The following GTF2A2 variants were observed in gnomAD, a reference collection of about 807,000 sequenced individuals.
GTF2A2 encodes the protein transcription initiation factor IIA subunit 2.
A neutral mutation model predicts 14.3 loss-of-function variants in GTF2A2; 9 were observed. The ratio of observed to expected loss-of-function variants is 0.63; its 90% CI spans 0.38 to 1.10. The LOEUF (loss-of-function observed/expected upper bound fraction) is 1.10, where lower values mean the gene tolerates loss of function less well. Among genes scored for constraint, GTF2A2 ranks in the 50% least tolerant of loss-of-function variants. GTF2A2 has a pLI of 0.01. For synonymous variants in GTF2A2, 56 were observed against 46.0 expected (o/e 1.22, Z -0.88); for missense variants, 90 against 124.6 (o/e 0.72, Z 1.32).
chr15:59,639,378 A>C (rs1891309674), intron 4 of GTF2A2, among the ~76,000 whole-genome samples: 1 of 152,146 alleles, frequency 6.6e-6, no homozygotes, highest in African/African-American at 2.4e-5. Flanking sequence ...CCTCATATTC[A>C]TACTAGAGTA....
intron 1 of GTF2A2, among the ~76,000 whole-genome samples, chr15:59,656,379 C>G (rs1891942845): frequency 6.6e-6 from 1 of 152,102 alleles, no homozygotes; most frequent in African/African-American, 2.4e-5. Context: ...CTTTAAAATA[C>G]CAGTTCCCAC....
chr15:59,641,444 T>C (rs1891424271), intron 4 of GTF2A2, among the ~76,000 whole-genome samples: 1 of 152,192 alleles, frequency 6.6e-6, no homozygotes, highest in Non-Finnish European at 1.5e-5. Flanking sequence ...TCTACATATC[T>C]TTCTCTTGCT....
At chr15:59,649,533 C>T (rs1397172222) in intron 3 of GTF2A2, among the ~76,000 whole-genome samples, 1 of 152,144 alleles carries the variant, frequency 6.6e-6, no homozygotes, top group Non-Finnish European at 1.5e-5. Flanking sequence ...CAGACTTCTG[C>T]ATATGGGTAT....
intron 2 of GTF2A2, chr15:59,651,933 C>G (rs1201365893): frequency 3.6e-6 from 1 of 278,632 alleles, no homozygotes; most frequent in African/African-American, 2.3e-5. Context: ...ATCCTTCCAC[C>G]TTGTCCTCCT....
At chr15:59,656,157 G>T (rs968339423) in intron 1 of GTF2A2, among the ~76,000 whole-genome samples, 2 of 152,048 alleles carry the variant, frequency 1.3e-5, no homozygotes, top group Admixed American at 6.5e-5. Flanking sequence ...TTATCTTCTT[G>T]TCCCTCCACC....
At chr15:59,641,079 T>G (rs1174008442) in intron 4 of GTF2A2, among the ~76,000 whole-genome samples, 1 of 152,008 alleles carries the variant, frequency 6.6e-6, no homozygotes, top group Non-Finnish European at 1.5e-5. Flanking sequence ...CAGGCTTAAG[T>G]GCAGGGGCTC....
intron 1 of GTF2A2, chr15:59,657,201 C>G (rs1327130025): frequency 6.6e-6 from 1 of 152,364 alleles, no homozygotes; most frequent in Admixed American, 6.5e-5. Context: ...ACGAGCCTCC[C>G]GCCACGGGAC....
At position 59,639,058 on chromosome 15, in the gene GTF2A2, A is replaced by AT; in HGVS notation, c.*73_*74insA. The AT allele has an allele frequency of 2.3e-6, 2 of 871,836 alleles. No individual in the cohort carries two copies. Among genetic ancestry groups the AT allele is most frequent in the South Asian group, 2.7e-5 (2 of 73,744 alleles). 54.0% of individuals were successfully genotyped at this position (871,836 alleles called of 1,614,324 possible). On this transcript the variant is annotated 3_prime_UTR_variant, in exon 5 of 5. Coordinates refer to ENST00000396060, the MANE Select transcript of GTF2A2 (RefSeq NM_004492.3). The stretch of plus-strand genomic sequence containing the variant: ...ATTTCTGCAATTCTAGAATAAATAA[A>AT]AAGTCTCTTCTATGCTTCTCTTCAA...
intron 1 of GTF2A2, among the ~76,000 whole-genome samples, chr15:59,653,934 C>G (rs1006232952): frequency 6.6e-6 from 1 of 152,140 alleles, no homozygotes; most frequent in Non-Finnish European, 1.5e-5. Context: ...AATCCATCAG[C>G]CAACCTTTCA....
intron 3 of GTF2A2, among the ~76,000 whole-genome samples, chr15:59,645,965 C>T (rs892296475): frequency 1.4e-5 from 2 of 146,618 alleles, no homozygotes; most frequent in African/African-American, 5.1e-5. Context: ...ACCCAGGAGG[C>T]GGGGGTCACA....
chr15:59,655,691 C>T (rs1305554960), intron 1 of GTF2A2, among the ~76,000 whole-genome samples: 1 of 152,172 alleles, frequency 6.6e-6, no homozygotes, highest in Non-Finnish European at 1.5e-5. Flanking sequence ...CTGATGATCC[C>T]CAAATTCATA....
chr15:59,638,999 C>CTACTGGAATTCTCTGGTA lies in GTF2A2; in HGVS notation c.*115_*132dup. The CTACTGGAATTCTCTGGTA allele has an allele frequency of 1.5e-6, 1 of 645,986 alleles. No individual in the cohort carries two copies. The highest frequency in any genetic ancestry group is 2.8e-6 in the Non-Finnish European group (1 of 354,360). The allele number at this position is 645,986 out of a possible 1,614,324, so 40.0% of individuals were successfully genotyped here. On this transcript the variant is annotated 3_prime_UTR_variant, in exon 5 of 5. Coordinates refer to ENST00000396060, the MANE Select transcript of GTF2A2 (RefSeq NM_004492.3). ...AGGCTACAGAGTTACAAGTTTCTTT[C>CTACTGGAATTCTCTGGTA]TACTGGAATTCTCTGGTATAGCACA...
chr15:59,643,595 C>CTT (rs34047348), intron 3 of GTF2A2, among the ~76,000 whole-genome samples: 15 of 109,824 alleles, frequency 1.4e-4, no homozygotes, highest in Admixed American at 2.0e-4. Flanking sequence ...GAAATTTTTA[C>CTT]TTTTTTTTTT....
At chr15:59,649,365 ATTACT>A (rs1891720854) in intron 3 of GTF2A2, among the ~76,000 whole-genome samples, 1 of 152,238 alleles carries the variant, frequency 6.6e-6, no homozygotes, top group African/African-American at 2.4e-5. Context: ...TAAATGTCAA[ATTACT>A]TTAACTCTAG....
At position 59,652,473 on chromosome 15, in the gene GTF2A2, C is replaced by T. The variant is rs1270211355; in HGVS notation, c.-49-147G>A. 3 of 517,978 alleles carry T rather than the reference C, an allele frequency of 5.8e-6. No individual in the cohort carries two copies. The African/African-American group carries it at 6.0e-5, about 10-fold the overall frequency. The allele number at this position is 517,978 out of a possible 1,614,324, so 32.1% of individuals were successfully genotyped here. On this transcript the variant is annotated intron_variant, in intron 1 of 4. Coordinates refer to ENST00000396060, the MANE Select transcript of GTF2A2 (RefSeq NM_004492.3). ...TTACTAGATAATCATTTTAGAATTA[C>T]AAGGAATTGCTACAAATGATTTTCC...
chr15:59,656,210 T>C (rs369692824), intron 1 of GTF2A2, among the ~76,000 whole-genome samples: 1 of 152,204 alleles, frequency 6.6e-6, no homozygotes, highest in Non-Finnish European at 1.5e-5. Flanking sequence ...ACTGGCTTCC[T>C]TGCTATTCCT....
chr15:59,642,222 G>A lies in GTF2A2; in HGVS notation c.218C>T (p.Thr73Ile), dbSNP rs1891453306. ...NTYRFCDNVW[T>I]FVLNDVEFRE... ...GAATTCAACATCATTCAGTACAAAAGTCCACACATTATCGCAGAATCTGTA... is the reference window on the plus strand; with the variant it reads ...GAATTCAACATCATTCAGTACAAAAATCCACACATTATCGCAGAATCTGTA... The change falls in exon 4 of 5, where the codon ACT becomes ATT. Residue 73 changes from threonine to isoleucine, a missense_variant. Thr to Ile is a moderately conservative substitution (Grantham distance 89, BLOSUM62 -1). Coordinates refer to ENST00000396060, the MANE Select transcript of GTF2A2 (RefSeq NM_004492.3). 6.2e-7 allele frequency: 1 copy of A among 1,610,448 alleles called. No homozygotes were observed. The highest frequency in any genetic ancestry group is 8.5e-7 in the Non-Finnish European group (1 of 1,178,054).
intron 3 of GTF2A2, among the ~76,000 whole-genome samples, chr15:59,649,251 G>C (rs1295097120): frequency 1.3e-5 from 2 of 152,116 alleles, no homozygotes; most frequent in African/African-American, 2.4e-5. Context: ...GTAGCAGCAG[G>C]AAAATAAAAA....
chr15:59,649,829 T>G (rs1260658181), intron 3 of GTF2A2, among the ~76,000 whole-genome samples: 3 of 152,252 alleles, frequency 2.0e-5, no homozygotes, highest in African/African-American at 7.2e-5. Context: ...ATGCCTGGTA[T>G]GTTAACAGAC....
Sources: allele counts gnomAD v4.1 joint callset (sites outside exome capture counted in the v4.1 genomes callset), GRCh38; gene constraint gnomAD v4.1.1; transcripts MANE v1.5; gene names NCBI Gene and HGNC (gene_info 2026-07-23, HGNC 2026-07-21).